RABGAP1: variants seen among roughly 807,000 people sequenced by gnomAD.
RABGAP1 encodes the protein RAB GTPase activating protein 1, also known as rab GTPase-activating protein 1.
In RABGAP1, 23 loss-of-function variants were observed where a neutral mutation model predicts 137.6. The observed-to-expected ratio is 0.17, with a 90% CI of 0.12 to 0.24. RABGAP1 has a LOEUF of 0.24. Ranked by LOEUF, RABGAP1 falls within the 10% of genes least tolerant of loss-of-function variation. The pLI is 1.00. For synonymous variants in RABGAP1, 451 were observed against 450.7 expected, an observed-to-expected ratio of 1.00 and a Z score of -0.01; for missense variants, 906 against 1,275.8, an observed-to-expected ratio of 0.71 and a Z score of 4.42.
intron 13 of RABGAP1, among the ~76,000 whole-genome samples, chr9:123,051,467 G>A (rs2033468068): frequency 1.3e-5 from 2 of 150,882 alleles, no homozygotes; most frequent in East Asian, 2.0e-4. Context: ...GACTGGTCTC[G>A]AACTCCCGAC....
At chr9:122,982,861 T>C (rs1836151596) in intron 2 of RABGAP1, among the ~76,000 whole-genome samples, 1 of 152,016 alleles carries the variant, frequency 6.6e-6, no homozygotes, top group African/African-American at 2.4e-5. Context: ...CATAGTGATA[T>C]GATGTCACTT....
intron 13 of RABGAP1, among the ~76,000 whole-genome samples, chr9:123,042,342 G>T (rs1445406347): frequency 6.6e-6 from 1 of 152,146 alleles, no homozygotes; most frequent in Non-Finnish European, 1.5e-5. Context: ...CAGACAGCCA[G>T]AGATAATTGC....
In RABGAP1 at chr9:122,996,576, C is replaced by T. The variant is rs1278192735; in HGVS notation, c.1072C>T (p.Arg358Ter). 6.2e-7 allele frequency: 1 copy of T among 1,608,416 alleles called. No individual in the cohort carries two copies. Residue 358 changes from arginine (R) to a stop codon, truncating the protein, a stop_gained, in exon 8 of 26, where the codon CGA (arginine) becomes TGA (stop). Transcript: ENST00000373647. LOFTEE classifies it high-confidence loss of function. ...GLLLSPGKDVRNSDMHLLDLE... is the reference protein window; with the variant it reads ...GLLLSPGKDV Reference sequence around the variant, plus strand: ...TCTCCTTAGTCCAGGAAAAGATGTACGAAATAGTGACATGCACTTATTAGA... The same window carrying T: ...TCTCCTTAGTCCAGGAAAAGATGTATGAAATAGTGACATGCACTTATTAGA...
intron 13 of RABGAP1, among the ~76,000 whole-genome samples, chr9:123,050,295 G>A (rs2033398209): frequency 6.6e-6 from 1 of 152,076 alleles, no homozygotes. Flanking sequence ...TTTCTTTTTG[G>A]TCCAGGTTTT....
intron 12 of RABGAP1, among the ~76,000 whole-genome samples, chr9:123,016,905 C>T (rs1323385794): frequency 2.0e-5 from 3 of 152,160 alleles, no homozygotes; most frequent in Non-Finnish European, 2.9e-5. Flanking sequence ...TCTCACAATG[C>T]TTTACACTTT....
intron 13 of RABGAP1, among the ~76,000 whole-genome samples, chr9:123,042,648 A>G (rs1161885614): frequency 1.3e-5 from 2 of 152,228 alleles, no homozygotes; most frequent in Admixed American, 1.3e-4. Flanking sequence ...TGAAACAAAA[A>G]GGCAGAGAGA....
rs766642207 is a variant in RABGAP1 at position 123,070,436 on chromosome 9, G to C, written c.1983+12G>C. 6.2e-7 allele frequency: 1 copy of C among 1,613,956 alleles called. No homozygotes were observed. Among genetic ancestry groups the C allele is most frequent in the East Asian group, 2.2e-5 (1 of 44,878 alleles). ...TGCTCCTTCTCCATGTGAGTAATTAGGTCTCTGTTATGACTTAACACATGG... is the reference window on the plus strand; with the variant it reads ...TGCTCCTTCTCCATGTGAGTAATTACGTCTCTGTTATGACTTAACACATGG... On this transcript the variant is annotated intron_variant, in intron 15 of 25. Transcript: ENST00000373647. This position sits in a 1 kb window ranked among gnomAD's most constrained non-coding sequence, Gnocchi z 4.4.
intron 2 of RABGAP1, among the ~76,000 whole-genome samples, chr9:122,972,883 C>T (rs899959755): frequency 1.3e-5 from 2 of 151,554 alleles, no homozygotes; most frequent in African/African-American, 4.8e-5. Flanking sequence ...CACCTGTAAT[C>T]CCAGCACTTG....
At chr9:123,019,790 A>G (rs1371511587) in intron 12 of RABGAP1, among the ~76,000 whole-genome samples, 1 of 152,142 alleles carries the variant, frequency 6.6e-6, no homozygotes, top group Non-Finnish European at 1.5e-5. Context: ...TCCTGGTTCA[A>G]GCAGTTCTTC....
chr9:122,973,779 G>A (rs1381537165), intron 2 of RABGAP1, among the ~76,000 whole-genome samples: 1 of 152,000 alleles, frequency 6.6e-6, no homozygotes, highest in African/African-American at 2.4e-5. Flanking sequence ...GGAGGCCGAG[G>A]CGGGCAGATC....
chr9:123,035,312 G>A lies in RABGAP1; in HGVS notation c.1794+14853G>A, dbSNP rs770473320. ...GAAGTGCAGGCCTGTCCTGATAAGCGCTATGCCATGGTCCTGTTTCGAATC... is the reference window on the plus strand; with the variant it reads ...GAAGTGCAGGCCTGTCCTGATAAGCACTATGCCATGGTCCTGTTTCGAATC... On this transcript the variant is annotated intron_variant, in intron 13 of 25. Coordinates refer to ENST00000373647, the MANE Select transcript of RABGAP1 (RefSeq NM_012197.4). 1.2e-5 allele frequency: 20 copies of A among 1,614,012 alleles called. No individual in the cohort carries two copies. The highest frequency in any genetic ancestry group is 5.5e-5 in the South Asian group (5 of 91,086).
chr9:123,073,796 G>C (rs2034430944), intron 16 of RABGAP1, 119 bp downstream of exon 16: 14 of 1,360,076 alleles, frequency 1.0e-5, no homozygotes, highest in Non-Finnish European at 1.4e-5. Flanking sequence ...GCTAAGGATG[G>C]GTTTCATTTT....
At chr9:123,004,054 G>T (rs1012889015) in intron 10 of RABGAP1, among the ~76,000 whole-genome samples, 1 of 152,170 alleles carries the variant, frequency 6.6e-6, no homozygotes, top group Admixed American at 6.5e-5. Context: ...GAGAGTGTAT[G>T]TGTGTGGTAC....
intron 13 of RABGAP1, among the ~76,000 whole-genome samples, chr9:123,057,800 C>T (rs1416424990): frequency 2.6e-5 from 4 of 152,228 alleles, no homozygotes; most frequent in African/African-American, 4.8e-5. Flanking sequence ...TCTGCAATCC[C>T]AGCACCTCGG....
At chr9:122,965,967 A>G (rs116009884) in intron 2 of RABGAP1, among the ~76,000 whole-genome samples, 1 of 152,180 alleles carries the variant, frequency 6.6e-6, no homozygotes, top group Non-Finnish European at 1.5e-5. Flanking sequence ...AGAGAAGTAG[A>G]TGATTCCTAG....
intron 21 of RABGAP1, among the ~76,000 whole-genome samples, chr9:123,094,707 A>G (rs1169804717): frequency 6.6e-6 from 1 of 152,144 alleles, no homozygotes; most frequent in African/African-American, 2.4e-5. Context: ...AGGACTTTGT[A>G]TATGATTGTT....
chr9:123,066,854 A>C (rs1211283733), intron 14 of RABGAP1, among the ~76,000 whole-genome samples: 2 of 152,262 alleles, frequency 1.3e-5, no homozygotes, highest in Non-Finnish European at 2.9e-5. Context: ...AAAAATTTCA[A>C]ACGTAAACAT....
chr9:122,950,377 C>CTTTTTTTTTTTTTTTTTTTTTTTTAT (rs200424486), intron 1 of RABGAP1, among the ~76,000 whole-genome samples: 2 of 74,486 alleles, frequency 2.7e-5, no homozygotes, highest in Non-Finnish European at 4.8e-5. Flanking sequence ...CTTTTTCTTT[C>CTTTTTTTTTTTTTTTTTTTTTTTTAT]TTTTTTTTTT....
rs868029355 is a variant in RABGAP1, at chr9:123,035,400, T to C, written c.1794+14941T>C. ...TCTACTTCTTGTTGGAAAGCTCCAC[T>C]GGCCACAGCAACCGCTTCGCATCCT... On this transcript the variant is annotated intron_variant, in intron 13 of 25. Coordinates refer to ENST00000373647, the MANE Select transcript of RABGAP1 (RefSeq NM_012197.4). The C allele has an allele frequency of 3.7e-6, 6 of 1,614,166 alleles. No individual in the cohort carries two copies. In the Middle Eastern group the frequency reaches 6.6e-4, roughly 178 times the overall value.
Sources: gnomAD v4.1 joint callset for allele counts (sites outside exome capture counted in the v4.1 genomes callset) on GRCh38, gnomAD v4.1.1 for gene constraint, Gnocchi (gnomAD v3.1) non-coding constraint, MANE v1.5 for transcripts, NCBI Gene and HGNC (gene_info 2026-07-23, HGNC 2026-07-21) for gene names.